RIN2: variants seen among roughly 807,000 people sequenced by gnomAD.
RIN2 encodes RAB5 interacting protein 2.
RIN2 carries 36 observed loss-of-function variants against 78.0 expected under a neutral mutation model. The ratio of observed to expected loss-of-function variants is 0.46; its 90% CI spans 0.35 to 0.61. The LOEUF (loss-of-function observed/expected upper bound fraction) is 0.61. RIN2 is among the 20% of genes least tolerant of loss of function. RIN2 has a pLI of 0.00. For missense variants in RIN2, 1,087 were observed against 1,159.7 expected, an observed-to-expected ratio of 0.94 and a Z score of 0.91; for synonymous variants, 466 against 466.8, an observed-to-expected ratio of 1.00 and a Z score of 0.02.
intron 4 of RIN2, among the ~76,000 whole-genome samples, chr20:19,949,656 G>A (rs1159624514): frequency 6.6e-6 from 1 of 152,212 alleles, no homozygotes; most frequent in African/African-American, 2.4e-5. Flanking sequence ...AGGTCAAAGT[G>A]TACATTTCAG....
At chr20:19,867,196 T>TGTGCACACAC (rs1205512020) in intron 2 of RIN2, among the ~76,000 whole-genome samples, 1 of 152,266 alleles carries the variant, frequency 6.6e-6, no homozygotes, top group East Asian at 1.9e-4. Flanking sequence ...CGTGCACACA[T>TGTGCACACAC]GCTCATGTGC....
At chr20:19,889,242 G>T (rs2038330767) in intron 2 of RIN2, 1 of 1,021,774 alleles carries the variant, frequency 9.8e-7, no homozygotes, top group South Asian at 4.4e-5. Context: ...TGCAGATGAT[G>T]GGGACATCTA....
chr20:19,908,668 G>A (rs2039331253), intron 3 of RIN2, among the ~76,000 whole-genome samples: 1 of 152,244 alleles, frequency 6.6e-6, no homozygotes. Context: ...CTAAGACTTC[G>A]AGTTTCAAAG....
At position 19,935,206 on chromosome 20, in the gene RIN2, A is replaced by G; in HGVS notation, c.158+7A>G. 6.3e-7 allele frequency: 1 copy of G among 1,590,254 alleles called. No homozygotes were observed. Among genetic ancestry groups the G allele is most frequent in the Non-Finnish European group, 8.6e-7 (1 of 1,167,926 alleles). ...AACCCGCTGAAACCCACAGGTGACC[A>G]GAGACACGGTTAGGTGATGGGTGCG... On this transcript the variant is annotated splice_region_variant and intron_variant, in intron 4 of 12. Transcript: ENST00000255006.
At chr20:19,965,109 GAGGC>G in intron 7 of RIN2, 85 bp downstream of exon 7, 3 of 1,105,250 alleles carry the variant, frequency 2.7e-6, no homozygotes, top group Non-Finnish European at 4.1e-6. Flanking sequence ...AAGGATCTAG[GAGGC>G]TGGCCACCTA....
At chr20:19,909,943 C>G (rs2039390802) in intron 3 of RIN2, among the ~76,000 whole-genome samples, 3 of 152,210 alleles carry the variant, frequency 2.0e-5, no homozygotes, top group African/African-American at 4.8e-5. Flanking sequence ...AAGGTGGGGC[C>G]CCTGTGGTAG....
chr20:19,935,193 C>T lies in RIN2; in HGVS notation c.152C>T (p.Thr51Ile), dbSNP rs779515491. 2 of 1,596,730 alleles carry T rather than the reference C, an allele frequency of 1.3e-6. No individual in the cohort carries two copies. The highest frequency in any genetic ancestry group is 1.7e-6 in the Non-Finnish European group (2 of 1,171,618). ...NLENGLEPAE[T>I]HSMVRHKDGG... ...GAAAATGGCCTGGAACCCGCTGAAACCCACAGGTGACCAGAGACACGGTTA... is the reference window on the plus strand; with the variant it reads ...GAAAATGGCCTGGAACCCGCTGAAATCCACAGGTGACCAGAGACACGGTTA... The change falls in exon 4 of 13, where the codon ACC (threonine) becomes ATC (isoleucine). Residue 51 changes from threonine to isoleucine, a missense_variant. Thr to Ile is a moderately conservative substitution (Grantham distance 89). This residue lies in a region of RIN2 where 706 missense variants were observed against 667.5 expected (regional missense o/e 1.06). Transcript: ENST00000255006.
intron 2 of RIN2, among the ~76,000 whole-genome samples, chr20:19,858,949 G>C (rs1176158293): frequency 1.3e-5 from 2 of 152,192 alleles, no homozygotes; most frequent in Non-Finnish European, 2.9e-5. Context: ...AAACACGGTG[G>C]AGGACAGAAT....
chr20:19,848,155 T>G (rs753148272), intron 2 of RIN2, among the ~76,000 whole-genome samples: 1 of 152,188 alleles, frequency 6.6e-6, no homozygotes, highest in Non-Finnish European at 1.5e-5. Context: ...AGTGGTGTAC[T>G]TTTTGAAAAT....
intron 1 of RIN2, among the ~76,000 whole-genome samples, chr20:19,795,229 C>A (rs193245751): frequency 6.6e-6 from 1 of 152,104 alleles, no homozygotes. Flanking sequence ...TTTCTTCTTA[C>A]GGAAAAGCAC....
At chr20:19,842,772 T>A (rs898691144) in intron 2 of RIN2, among the ~76,000 whole-genome samples, 7 of 152,072 alleles carry the variant, frequency 4.6e-5, no homozygotes, top group Non-Finnish European at 7.4e-5. Context: ...TTTCAAGTCT[T>A]ATTATTTAAG....
At chr20:19,778,838 T>C (rs897126461) in intron 1 of RIN2, among the ~76,000 whole-genome samples, 7 of 152,140 alleles carry the variant, frequency 4.6e-5, no homozygotes, top group African/African-American at 1.7e-4. Context: ...CCACCTGAGT[T>C]GCCTTGCTAG....
intron 3 of RIN2, among the ~76,000 whole-genome samples, chr20:19,905,285 G>A (rs2039169441): frequency 6.6e-6 from 1 of 152,154 alleles, no homozygotes; most frequent in Admixed American, 6.5e-5. Flanking sequence ...CATTTTTCAG[G>A]ATTGTCTCAT....
chr20:19,868,524 G>A lies in RIN2; in HGVS notation c.-36-21042G>A, dbSNP rs144240568. ...ACACTTTCACTGGGCCAGGAAACAC[G>A]TGAAATGAGCAGGGCAGGTCTTAGG... On this transcript the variant is annotated intron_variant, in intron 2 of 12. Coordinates refer to ENST00000255006, the MANE Select transcript of RIN2 (RefSeq NM_018993.4). Among the ~76,000 whole-genome samples, 15 of 152,266 alleles carry A rather than the reference G, an allele frequency of 9.9e-5. 1 individual carries two copies. In the East Asian group the frequency reaches 2.5e-3, roughly 26 times the overall value.
intron 3 of RIN2, among the ~76,000 whole-genome samples, chr20:19,932,985 C>T (rs1226192174): frequency 6.6e-6 from 1 of 152,188 alleles, no homozygotes; most frequent in African/African-American, 2.4e-5. Context: ...ACCACCCCCA[C>T]ATTCAATCCA....
intron 3 of RIN2, among the ~76,000 whole-genome samples, chr20:19,896,291 C>T (rs1041165755): frequency 1.2e-4 from 18 of 152,138 alleles, no homozygotes; most frequent in Non-Finnish European, 2.2e-4. Flanking sequence ...CAGGTTCAAT[C>T]AATTTTCCTG....
intron 12 of RIN2, among the ~76,000 whole-genome samples, chr20:19,998,037 G>A (rs140858676): frequency 0.024 from 3,631 of 150,952 alleles, 151 homozygotes; most frequent in African/African-American, 0.083. Context: ...GTGCAGTGGT[G>A]GCACGATCTC....
chr20:19,803,959 A>G (rs2035326615), intron 2 of RIN2, among the ~76,000 whole-genome samples: 2 of 152,148 alleles, frequency 1.3e-5, no homozygotes, highest in Non-Finnish European at 2.9e-5. Context: ...CTTTATAGCA[A>G]TTGTGAATGG....
intron 4 of RIN2, among the ~76,000 whole-genome samples, chr20:19,950,059 C>T (rs568331770): frequency 6.6e-6 from 1 of 152,300 alleles, no homozygotes; most frequent in South Asian, 2.1e-4. Flanking sequence ...TCCAAAGAAC[C>T]TTAACCTGGT....
Sources: allele counts gnomAD v4.1 joint callset (sites outside exome capture counted in the v4.1 genomes callset), GRCh38; gene constraint gnomAD v4.1.1; regional missense constraint gnomAD v4.1.1; transcripts MANE v1.5; gene names NCBI Gene and HGNC (gene_info 2026-07-23, HGNC 2026-07-21).